The following AK8 variants were observed in gnomAD, a reference collection of about 807,000 sequenced individuals.
AK8 encodes the protein adenylate kinase 8.
A neutral mutation model predicts 54.6 loss-of-function variants in AK8; 44 were observed. That is an observed-to-expected ratio of 0.81 (90% CI 0.63 to 1.04). AK8 has a LOEUF of 1.04. AK8 is among the 50% of genes least tolerant of loss of function. AK8 has a pLI of 0.00. For synonymous variants in AK8, 239 were observed against 245.6 expected (o/e 0.97, Z 0.25); for missense variants, 555 against 613.6 (o/e 0.90, Z 1.01).
At chr9:132,827,082 A>T (rs777320727) in intron 7 of AK8, 28 bp from the exon 8 acceptor site, 20 of 1,609,974 alleles carry the variant, frequency 1.2e-5, no homozygotes, top group Admixed American at 1.7e-5. Context: ...CACAGTTAGA[A>T]ATGGCCATGC....
At chr9:132,776,877 G>A (rs756113003) in intron 11 of AK8, among the ~76,000 whole-genome samples, 4 of 152,134 alleles carry the variant, frequency 2.6e-5, no homozygotes, top group Non-Finnish European at 4.4e-5. Flanking sequence ...TTCCTTATCC[G>A]GCTTCCACAG....
chr9:132,875,238 G>C, intron 1 of AK8, 39 bp from the exon 2 acceptor site: 1 of 1,610,602 alleles, frequency 6.2e-7, no homozygotes, highest in Non-Finnish European at 8.5e-7. Context: ...GTTAATACCT[G>C]CAAGGGCACC....
intron 11 of AK8, among the ~76,000 whole-genome samples, chr9:132,780,167 A>C (rs534327047): frequency 3.3e-5 from 5 of 152,184 alleles, no homozygotes; most frequent in Non-Finnish European, 7.3e-5. Context: ...CAGAGAATAA[A>C]AGGAGAATGA....
At chr9:132,863,949 C>T (rs185682134) in intron 3 of AK8, among the ~76,000 whole-genome samples, 171 bp from the exon 4 acceptor site, 121 of 152,348 alleles carry the variant, frequency 7.9e-4, no homozygotes, top group South Asian at 5.0e-3. Context: ...CCATAAAGCA[C>T]CTGCTGGCCT....
intron 11 of AK8, among the ~76,000 whole-genome samples, chr9:132,746,617 C>G (rs770659681): frequency 1.3e-5 from 2 of 152,252 alleles, no homozygotes; most frequent in South Asian, 4.1e-4. Context: ...CCATCACTTT[C>G]CTCTTCCACA....
At chr9:132,875,696 G>A (rs182737175) in intron 1 of AK8, among the ~76,000 whole-genome samples, 6 of 152,262 alleles carry the variant, frequency 3.9e-5, no homozygotes, top group African/African-American at 1.4e-4. Flanking sequence ...TGCGGGCATC[G>A]CCCTGTTCCA....
chr9:132,859,813 C>T (rs373604802), intron 4 of AK8, among the ~76,000 whole-genome samples: 111 of 152,108 alleles, frequency 7.3e-4, no homozygotes, highest in African/African-American at 2.5e-3. Flanking sequence ...ATGGGAAGAA[C>T]GGGAGGCAAA....
intron 5 of AK8, among the ~76,000 whole-genome samples, chr9:132,853,458 G>C (rs539711252): frequency 6.6e-6 from 1 of 151,738 alleles, no homozygotes; most frequent in African/African-American, 2.4e-5. Flanking sequence ...ATTTATAAAA[G>C]AATTTGAATG....
intron 11 of AK8, among the ~76,000 whole-genome samples, chr9:132,735,822 C>G (rs1301314480): frequency 6.6e-6 from 1 of 152,230 alleles, no homozygotes; most frequent in Non-Finnish European, 1.5e-5. Flanking sequence ...AACTGTTCAT[C>G]AATAGATGAA....
At chr9:132,861,016 G>A (rs1481918400) in intron 4 of AK8, among the ~76,000 whole-genome samples, 6 of 152,224 alleles carry the variant, frequency 3.9e-5, no homozygotes, top group African/African-American at 1.4e-4. Flanking sequence ...AGACTGCCAT[G>A]AGCTGACATC....
intron 10 of AK8, among the ~76,000 whole-genome samples, chr9:132,805,862 C>A (rs1161595591): frequency 4.6e-5 from 7 of 151,982 alleles, no homozygotes; most frequent in Non-Finnish European, 8.8e-5. Flanking sequence ...GCGGAAAAGT[C>A]AAAAGTTTGA....
At chr9:132,875,072 G>A (rs569503943) in intron 2 of AK8, 43 bp downstream of exon 2, 2 of 1,611,088 alleles carry the variant, frequency 1.2e-6, no homozygotes, top group East Asian at 2.2e-5. Context: ...GAGGAGGAGG[G>A]GAAGGGAAGA....
chr9:132,748,577 T>C (rs1011182819), intron 11 of AK8, among the ~76,000 whole-genome samples: 5 of 151,938 alleles, frequency 3.3e-5, no homozygotes, highest in African/African-American at 1.2e-4. Flanking sequence ...TCCTAGATGC[T>C]AGTTGCTGGC....
chr9:132,815,139 G>T (rs574501315), intron 9 of AK8, among the ~76,000 whole-genome samples: 1 of 152,196 alleles, frequency 6.6e-6, no homozygotes, highest in Admixed American at 6.5e-5. Context: ...CCTCAAGTGC[G>T]TCCACATTTG....
intron 11 of AK8, among the ~76,000 whole-genome samples, chr9:132,741,059 T>A (rs1837365191): frequency 6.6e-6 from 1 of 152,088 alleles, no homozygotes; most frequent in Non-Finnish European, 1.5e-5. Flanking sequence ...GGGAGTGCCT[T>A]TTCCCCCCAT....
chr9:132,765,938 C>T (rs1838708389), intron 11 of AK8, among the ~76,000 whole-genome samples: 1 of 152,104 alleles, frequency 6.6e-6, no homozygotes, highest in South Asian at 2.1e-4. Context: ...ATATAGGAAA[C>T]CCTAAAATGC....
intron 11 of AK8, among the ~76,000 whole-genome samples, chr9:132,736,288 G>A (rs1270262880): frequency 6.7e-6 from 1 of 149,612 alleles, no homozygotes; most frequent in East Asian, 2.0e-4. Flanking sequence ...CCGGATTCAA[G>A]CAATTCTCCT....
At chr9:132,782,129 G>A (rs1220586879) in intron 11 of AK8, among the ~76,000 whole-genome samples, 1 of 152,144 alleles carries the variant, frequency 6.6e-6, no homozygotes, top group Admixed American at 6.5e-5. Context: ...CGTGGTGAAC[G>A]GAAGAGTGTT....
chr9:132,834,601 A>G (rs1451383610), intron 5 of AK8, among the ~76,000 whole-genome samples: 1 of 152,158 alleles, frequency 6.6e-6, no homozygotes, highest in African/African-American at 2.4e-5. Context: ...CCTCCACCTG[A>G]TCAAGGTGAG....
Sources: allele counts gnomAD v4.1 joint callset (sites outside exome capture counted in the v4.1 genomes callset), GRCh38; gene constraint gnomAD v4.1.1; transcripts MANE v1.5; gene names NCBI Gene and HGNC (gene_info 2026-07-23, HGNC 2026-07-21).